The following NUDCD1 variants were observed in gnomAD, a reference collection of about 807,000 sequenced individuals.
NUDCD1 encodes the protein NudC domain containing 1, also known as nudC domain-containing protein 1.
Under a neutral mutation model 67.8 loss-of-function variants are expected in NUDCD1, and 60 were observed. The observed-to-expected ratio is 0.88, with a 90% CI of 0.72 to 1.10. NUDCD1 has a LOEUF of 1.10. NUDCD1 is among the 50% of genes least tolerant of loss of function. The probability of loss-of-function intolerance (pLI) is 0.00; values close to 1 mark genes in which losing one functional copy is unlikely to be tolerated. For synonymous variants in NUDCD1, 244 were observed against 230.8 expected, an observed-to-expected ratio of 1.06 and a Z score of -0.52; for missense variants, 643 against 695.0, an observed-to-expected ratio of 0.93 and a Z score of 0.84.
In NUDCD1 at chr8:109,322,357, G is replaced by A. The variant is rs1415950622; in HGVS notation, c.225C>T (p.Val75=). 3 of 1,576,308 alleles carry A rather than the reference G, an allele frequency of 1.9e-6. No individual in the cohort carries two copies. Among genetic ancestry groups the A allele is most frequent in the Non-Finnish European group, 2.6e-6 (3 of 1,147,354 alleles). ...LHCDSWYQDS[V]YYIDTLGRIM... ...TTCTTCCAAGGGTATCAATATAGTA[G>A]ACACTGTCTTGATACCATGAATCAC... The change falls in exon 2 of 10, where the codon GTC becomes GTT. Residue 75 remains valine, a synonymous_variant. Transcript: ENST00000239690.
chr8:109,305,164 G>A (rs1815074829), intron 2 of NUDCD1, among the ~76,000 whole-genome samples: 1 of 152,112 alleles, frequency 6.6e-6, no homozygotes, highest in South Asian at 2.1e-4. Context: ...TTGGGAATTT[G>A]TCTCTGCCCC....
intron 8 of NUDCD1, among the ~76,000 whole-genome samples, chr8:109,267,867 T>G (rs1814040157): frequency 6.6e-6 from 1 of 152,312 alleles, no homozygotes; most frequent in South Asian, 2.1e-4. Flanking sequence ...CACAGAAGAC[T>G]AACTGTATTT....
In NUDCD1 at chr8:109,243,139, T is replaced by C; in HGVS notation, c.1622A>G (p.Gln541Arg). Residue 541 changes from glutamine (Q) to arginine (R), a missense_variant, in exon 10 of 10, where the codon CAG becomes CGG. Transcript: ENST00000239690. Reference sequence around the variant, plus strand: ...GCTTGCTACTTGCTGCTTAGCAACCTGTCCTACTTGCCTGCCTTCCTTTCT... The same window carrying C: ...GCTTGCTACTTGCTGCTTAGCAACCCGTCCTACTTGCCTGCCTTCCTTTCT... ...YNRKEGRQVG[Q>R]VAKQQVASLE... is the part of the protein sequence containing the mutation. 1 of 1,613,962 alleles carries C rather than the reference T, an allele frequency of 6.2e-7. No individual in the cohort carries two copies. The highest frequency in any genetic ancestry group is 8.5e-7 in the Non-Finnish European group (1 of 1,179,850).
intron 2 of NUDCD1, among the ~76,000 whole-genome samples, chr8:109,311,559 G>GTGTGTGTGTATA: frequency 1.6e-5 from 2 of 125,120 alleles, no homozygotes; most frequent in South Asian, 3.1e-4. Context: ...AAACTGTGGT[G>GTGTGTGTGTATA]TATATATATA....
At chr8:109,250,120 C>T (rs1004111769) in intron 8 of NUDCD1, among the ~76,000 whole-genome samples, 2 of 152,088 alleles carry the variant, frequency 1.3e-5, no homozygotes, top group Admixed American at 6.6e-5. Flanking sequence ...GCTAGGATTA[C>T]AGGTGTGAGC....
chr8:109,294,944 C>T (rs1814807115), intron 3 of NUDCD1, among the ~76,000 whole-genome samples: 1 of 151,970 alleles, frequency 6.6e-6, no homozygotes, highest in South Asian at 2.1e-4. Context: ...TCCACAGTAT[C>T]CCTCCCACCT....
Position 109,270,075 on chromosome 8 carries a change from G to A in NUDCD1, c.1299+930C>T, listed in dbSNP as rs1216631432. Among the ~76,000 whole-genome samples the A allele has an allele frequency of 8.3e-5, 7 of 84,238 alleles. 2 individuals carry two copies. Among genetic ancestry groups the A allele is most frequent in the African/African-American group, 1.8e-4 (4 of 22,684 alleles). 55.3% of individuals were successfully genotyped at this position (84,238 alleles called of 152,430 possible). ...TTTTGAGGTGGCGGGGGCGGGGGGG[G>A]GGGGGGGTGCCTTAAGGTGGGGTGT... On this transcript the variant is annotated intron_variant, in intron 8 of 9. Coordinates refer to ENST00000239690, the MANE Select transcript of NUDCD1 (RefSeq NM_032869.4).
In NUDCD1 at chr8:109,297,857, A is replaced by C. The variant is rs1814880515; in HGVS notation, c.274-1288T>G. Among the ~76,000 whole-genome samples, 2 of 152,126 alleles carry C rather than the reference A, an allele frequency of 1.3e-5. 1 individual carries two copies. The highest frequency in any genetic ancestry group is 2.9e-5 in the Non-Finnish European group (2 of 68,014). ...TACCAAACTGCATTCAAATTCAACC[A>C]TTTGTTTTTCTTGCTAAACTTTACA... On this transcript the variant is annotated intron_variant, in intron 2 of 9. Coordinates refer to ENST00000239690, the MANE Select transcript of NUDCD1 (RefSeq NM_032869.4).
chr8:109,260,949 A>G (rs1344650684), intron 8 of NUDCD1, among the ~76,000 whole-genome samples: 1 of 152,240 alleles, frequency 6.6e-6, no homozygotes, highest in Non-Finnish European at 1.5e-5. Context: ...TAAGCACCAT[A>G]TACATTTATT....
chr8:109,330,295 G>T (rs1815776660), intron 1 of NUDCD1, among the ~76,000 whole-genome samples: 1 of 152,152 alleles, frequency 6.6e-6, no homozygotes, highest in South Asian at 2.1e-4. Context: ...TAAGACAAGA[G>T]AATAAGCCTC....
At chr8:109,316,745 T>G (rs930357429) in intron 2 of NUDCD1, among the ~76,000 whole-genome samples, 1 of 152,204 alleles carries the variant, frequency 6.6e-6, no homozygotes, top group Admixed American at 6.5e-5. Context: ...TGGTCATCCC[T>G]GGACCACAAG....
At position 109,287,909 on chromosome 8, in the gene NUDCD1, T is replaced by A. The variant is rs77964310; in HGVS notation, c.823+1842A>T. Among the ~76,000 whole-genome samples, 973 of 152,208 alleles carry A rather than the reference T, an allele frequency of 6.4e-3. 15 individuals carry two copies. Among genetic ancestry groups the A allele is most frequent in the African/African-American group, 0.022 (906 of 41,536 alleles). ...GAATGTATACAAACACCTAAATAAT[T>A]CTCTCAATTACTGGTTGCTTTGAGT... is the stretch of plus-strand genomic sequence containing the variant. On this transcript the variant is annotated intron_variant, in intron 5 of 9. Transcript: ENST00000239690.
At chr8:109,247,829 TATC>T (rs1013341553) in intron 8 of NUDCD1, among the ~76,000 whole-genome samples, 3 of 152,172 alleles carry the variant, frequency 2.0e-5, no homozygotes, top group Non-Finnish European at 2.9e-5. Flanking sequence ...TCAAATTATT[TATC>T]ATATTATATT....
intron 2 of NUDCD1, among the ~76,000 whole-genome samples, chr8:109,300,519 G>A (rs1395373476): frequency 6.6e-6 from 1 of 152,034 alleles, no homozygotes; most frequent in Non-Finnish European, 1.5e-5. Flanking sequence ...CGAAGACAAG[G>A]TCTTTGAATT....
chr8:109,263,056 A>AAAAAAAAG (rs1813905146), intron 8 of NUDCD1, among the ~76,000 whole-genome samples: 1 of 133,836 alleles, frequency 7.5e-6, no homozygotes, highest in Admixed American at 7.2e-5. Flanking sequence ...CTCTGTCTCA[A>AAAAAAAAG]AAAAAAAAAA....
chr8:109,306,213 C>T (rs534997728), intron 2 of NUDCD1, among the ~76,000 whole-genome samples: 1 of 152,318 alleles, frequency 6.6e-6, no homozygotes, highest in Admixed American at 6.5e-5. Context: ...CAATCCACCA[C>T]TCTTGACTCC....
intron 2 of NUDCD1, among the ~76,000 whole-genome samples, chr8:109,306,958 C>T (rs1214705332): frequency 6.6e-6 from 1 of 152,044 alleles, no homozygotes; most frequent in Non-Finnish European, 1.5e-5. Flanking sequence ...CCATACCACC[C>T]CCCAAAAATT....
In NUDCD1 at chr8:109,250,428, A is replaced by AT. The variant is rs1394351325; in HGVS notation, c.1300-4948dup. Among the ~76,000 whole-genome samples, 4 of 152,204 alleles carry AT rather than the reference A, an allele frequency of 2.6e-5. No individual in the cohort carries two copies. In the East Asian group the frequency reaches 7.7e-4, roughly 29 times the overall value. On this transcript the variant is annotated intron_variant, in intron 8 of 9. Transcript: ENST00000239690. Reference sequence around the variant, plus strand: ...TAATGCCTAAAAGGTGTTTGGCTTCATTTTTTTCATGGTGGTATTAGAATC... The same window carrying AT: ...TAATGCCTAAAAGGTGTTTGGCTTCATTTTTTTTCATGGTGGTATTAGAATC...
At chr8:109,264,234 C>T (rs1364918506) in intron 8 of NUDCD1, among the ~76,000 whole-genome samples, 1 of 152,100 alleles carries the variant, frequency 6.6e-6, no homozygotes, top group African/African-American at 2.4e-5. Context: ...TGAGATTTGG[C>T]AAACATTTTT....
Sources: gnomAD v4.1 joint callset for allele counts (sites outside exome capture counted in the v4.1 genomes callset) on GRCh38, gnomAD v4.1.1 for gene constraint, MANE v1.5 for transcripts, NCBI Gene and HGNC (gene_info 2026-07-23, HGNC 2026-07-21) for gene names.